The following KLRF1 variants were observed in gnomAD, a reference collection of about 807,000 sequenced individuals.
The protein encoded by KLRF1 is killer cell lectin like receptor F1.
Under a neutral mutation model 30.7 loss-of-function variants are expected in KLRF1, and 27 were observed. The ratio of observed to expected loss-of-function variants is 0.88; its 90% CI spans 0.65 to 1.21. The LOEUF (loss-of-function observed/expected upper bound fraction) is 1.21. Among genes scored for constraint, KLRF1 ranks in the 50% most tolerant of loss-of-function variants. KLRF1 has a pLI of 0.00. For synonymous variants in KLRF1, 92 were observed against 89.3 expected (o/e 1.03, Z -0.17); for missense variants, 246 against 259.3 (o/e 0.95, Z 0.35).
chr12:9,818,290 G>A, the KLRF1 span, among the ~76,000 whole-genome samples: 1 of 152,276 alleles, frequency 6.6e-6, no homozygotes, highest in Admixed American at 6.5e-5. Context: ...TTGTGCAAGT[G>A]GCACAGCTCT....
intron 5 of KLRF1, 62 bp from the exon 6 acceptor site, chr12:9,844,350 TAGCAGA>T: frequency 1.3e-6 from 1 of 798,462 alleles, no homozygotes; most frequent in Non-Finnish European, 2.1e-6. Context: ...AAGAGGATAT[TAGCAGA>T]AGACACAAAT....
chr12:9,836,599 T>C (rs1867583357), intron 3 of KLRF1, among the ~76,000 whole-genome samples: 1 of 152,178 alleles, frequency 6.6e-6, no homozygotes, highest in South Asian at 2.1e-4. Flanking sequence ...ACTTTCCAGA[T>C]AAATGTATAA....
rs1247130952 is a variant in KLRF1, at chr12:9,842,402, T to G, written c.556T>G (p.Trp186Gly). The G allele has an allele frequency of 1.2e-6, 2 of 1,612,482 alleles. No homozygotes were observed. Among genetic ancestry groups the G allele is most frequent in the South Asian group, 2.2e-5 (2 of 91,008 alleles). ...NFTSLKMTWT[W>G]VDGSPIDSKI... ...TACCTCCTTGAAAATGACATGGACT[T>G]GGGTGGATGGTTCTCCAATAGATTC... The change falls in exon 5 of 6, where the codon TGG (tryptophan) becomes GGG (glycine). Residue 186 changes from tryptophan (W) to glycine (G), a missense_variant. Coordinates refer to ENST00000617889, the MANE Select transcript of KLRF1 (RefSeq NM_016523.3).
At chr12:9,810,646 C>T in the KLRF1 span, among the ~76,000 whole-genome samples, 1 of 152,130 alleles carries the variant, frequency 6.6e-6, no homozygotes. Context: ...ATGTCAAGAA[C>T]AATTCTATAG....
chr12:9,801,246 A>G, the KLRF1 span, among the ~76,000 whole-genome samples: 2 of 151,978 alleles, frequency 1.3e-5, no homozygotes, highest in African/African-American at 2.4e-5. Flanking sequence ...CCAGTCTATC[A>G]TTGATGGGCA....
At chr12:9,839,172 T>C (rs1230978688) in intron 3 of KLRF1, among the ~76,000 whole-genome samples, 5 of 152,002 alleles carry the variant, frequency 3.3e-5, no homozygotes, top group Non-Finnish European at 5.9e-5. Flanking sequence ...CCAGCGTGGT[T>C]GGGTTCTGGT....
intron 4 of KLRF1, among the ~76,000 whole-genome samples, 174 bp from the exon 5 acceptor site, chr12:9,842,147 T>TTG (rs55711994): frequency 0.084 from 12,666 of 150,972 alleles, 544 homozygotes; most frequent in Middle Eastern, 0.1. Context: ...CAACTTGCAA[T>TTG]TGTGTGTGTG....
In KLRF1 at chr12:9,827,532, A is replaced by G; in HGVS notation, c.-13A>G. On this transcript the variant is annotated 5_prime_UTR_variant, in exon 1 of 6. Transcript: ENST00000617889. ...AACATACCTGTATACACACACATTC[A>G]CTCACATTGAAGATGCAAGATGAAG... The G allele has an allele frequency of 6.6e-7, 1 of 1,517,568 alleles. No individual in the cohort carries two copies. Among genetic ancestry groups the G allele is most frequent in the Non-Finnish European group, 9.1e-7 (1 of 1,096,314 alleles). The allele number at this position is 1,517,568 out of a possible 1,614,324, so 94.0% of individuals were successfully genotyped here.
the KLRF1 span, among the ~76,000 whole-genome samples, chr12:9,815,929 C>T: frequency 1.3e-5 from 2 of 152,194 alleles, no homozygotes; most frequent in African/African-American, 4.8e-5. Flanking sequence ...AGTGATTCTC[C>T]TGCTTCAGCC....
rs144353847 is a variant in KLRF1 at position 9,831,736 on chromosome 12, T to C, written c.86-580T>C. On this transcript the variant is annotated intron_variant, in intron 1 of 5. Coordinates refer to ENST00000617889, the MANE Select transcript of KLRF1 (RefSeq NM_016523.3). ...TGAACAAGCACTCTTATCTTAAACC[T>C]GACAGTGTAAGTCTATGAAAAATAA... Among the ~76,000 whole-genome samples the C allele has an allele frequency of 5.3e-5, 8 of 152,252 alleles. No individual in the cohort carries two copies. The East Asian group carries it at 1.3e-3, about 26-fold the overall frequency.
chr12:9,813,210 T>G, the KLRF1 span, among the ~76,000 whole-genome samples: 5 of 152,134 alleles, frequency 3.3e-5, no homozygotes, highest in Non-Finnish European at 1.5e-5. Context: ...TGCAGGTTAG[T>G]TACATATGTA....
chr12:9,808,584 C>T, the KLRF1 span, among the ~76,000 whole-genome samples: 1 of 152,118 alleles, frequency 6.6e-6, no homozygotes, highest in Non-Finnish European at 1.5e-5. Context: ...TCCCCAAAAG[C>T]AGGAGTGAAT....
chr12:9,803,452 T>C, the KLRF1 span, among the ~76,000 whole-genome samples: 1 of 152,052 alleles, frequency 6.6e-6, no homozygotes, highest in Admixed American at 6.6e-5. Context: ...TATTAATCCT[T>C]TCTTTCATAA....
the KLRF1 span, among the ~76,000 whole-genome samples, chr12:9,813,416 C>T: frequency 6.6e-6 from 1 of 152,044 alleles, no homozygotes; most frequent in African/African-American, 2.4e-5. Flanking sequence ...GTGATCCTCC[C>T]ACCTCAGCCT....
upstream of KLRF1, among the ~76,000 whole-genome samples, chr12:9,823,229 A>AG (rs1411550466): frequency 6.6e-6 from 1 of 150,894 alleles, no homozygotes; most frequent in African/African-American, 2.4e-5. Context: ...AAATGCAAAA[A>AG]AAAAAAACAA....
the KLRF1 span, among the ~76,000 whole-genome samples, chr12:9,801,623 T>C: frequency 2.0e-5 from 3 of 152,164 alleles, no homozygotes; most frequent in Admixed American, 1.3e-4. Context: ...TTTTCATATG[T>C]TTGTTGGCCA....
At chr12:9,816,733 CTTTTTT>C in the KLRF1 span, among the ~76,000 whole-genome samples, 1 of 132,840 alleles carries the variant, frequency 7.5e-6, no homozygotes. Context: ...GCATTCTCTT[CTTTTTT>C]TTTTTTTTTT....
intron 3 of KLRF1, among the ~76,000 whole-genome samples, chr12:9,841,026 A>T (rs1235490712): frequency 6.6e-6 from 1 of 152,158 alleles, no homozygotes; most frequent in Non-Finnish European, 1.5e-5. Flanking sequence ...ACTATTCGCT[A>T]TAGAAAAACA....
Position 9,831,634 on chromosome 12 carries a change from G to A in KLRF1, c.86-682G>A, listed in dbSNP as rs77547259. ...TATTCATGTAATTTCGTAAGTCAGT[G>A]CCCAGCAGACCTAAATCCTCTGGAT... On this transcript the variant is annotated intron_variant, in intron 1 of 5. Transcript: ENST00000617889. Among the ~76,000 whole-genome samples the A allele has an allele frequency of 4.6e-3, 698 of 152,208 alleles. 3 individuals are homozygous for A. Among genetic ancestry groups the A allele is most frequent in the African/African-American group, 0.016 (663 of 41,542 alleles).
Sources: allele counts gnomAD v4.1 joint callset (sites outside exome capture counted in the v4.1 genomes callset), GRCh38; gene constraint gnomAD v4.1.1; transcripts MANE v1.5; gene names NCBI Gene and HGNC (gene_info 2026-07-23, HGNC 2026-07-21).